The following SCAPER variants were observed in gnomAD, a reference collection of about 807,000 sequenced individuals.
The protein encoded by SCAPER is S phase cyclin A-associated protein in the endoplasmic reticulum.
Under a neutral mutation model 182.2 loss-of-function variants are expected in SCAPER, and 98 were observed. The observed-to-expected ratio is 0.54, with a 90% CI of 0.46 to 0.64. The LOEUF is 0.64. SCAPER is among the 30% of genes least tolerant of loss of function. The pLI, the probability that SCAPER is intolerant of heterozygous loss-of-function variation, is 0.00. For synonymous variants in SCAPER, 605 were observed against 564.6 expected, an observed-to-expected ratio of 1.07 and a Z score of -1.01; for missense variants, 1,432 against 1,690.0, an observed-to-expected ratio of 0.85 and a Z score of 2.68.
At chr15:76,477,036 T>C (rs2050709943) in intron 24 of SCAPER, among the ~76,000 whole-genome samples, 2 of 152,070 alleles carry the variant, frequency 1.3e-5, no homozygotes, top group Admixed American at 1.3e-4. Context: ...GCGTATATAA[T>C]AGAATTTGGA....
intron 20 of SCAPER, among the ~76,000 whole-genome samples, chr15:76,697,724 C>T (rs1444691510): frequency 6.6e-6 from 1 of 152,162 alleles, no homozygotes; most frequent in Non-Finnish European, 1.5e-5. Context: ...ACTGCAACCT[C>T]CGGCTTCTGT....
At chr15:76,836,108 C>T (rs1242448132) in intron 5 of SCAPER, among the ~76,000 whole-genome samples, 1 of 152,036 alleles carries the variant, frequency 6.6e-6, no homozygotes, top group South Asian at 2.1e-4. Flanking sequence ...CTATACTGCC[C>T]AAAGCAATTT....
At chr15:76,594,092 G>T (rs1241414835) in intron 22 of SCAPER, among the ~76,000 whole-genome samples, 1 of 119,816 alleles carries the variant, frequency 8.3e-6, no homozygotes, top group African/African-American at 2.5e-5. Flanking sequence ...AAGGTTAGAG[G>T]AATTGCTAAC....
At position 76,471,205 on chromosome 15, in the gene SCAPER, T is replaced by C; in HGVS notation, c.3078+7A>G. The C allele has an allele frequency of 6.2e-7, 1 of 1,600,320 alleles. No individual in the cohort carries two copies. The highest frequency in any genetic ancestry group is 8.5e-7 in the Non-Finnish European group (1 of 1,174,522). ...TGCTTCTAACTCAAAGCAATAATAT[T>C]ACATACCGTCAACTGGTGTATCAGG... On this transcript the variant is annotated splice_region_variant and intron_variant, in intron 25 of 31. Coordinates refer to ENST00000563290, the MANE Select transcript of SCAPER (RefSeq NM_020843.4).
chr15:76,684,546 G>A (rs1337793249), intron 20 of SCAPER, among the ~76,000 whole-genome samples: 1 of 151,292 alleles, frequency 6.6e-6, no homozygotes, highest in Non-Finnish European at 1.5e-5. Flanking sequence ...AAACCTTAGG[G>A]AAGACTAAAA....
chr15:76,655,747 C>T (rs563933550), intron 21 of SCAPER, among the ~76,000 whole-genome samples: 38 of 152,214 alleles, frequency 2.5e-4, no homozygotes, highest in Admixed American at 1.9e-3. Flanking sequence ...AGAGATTGGA[C>T]GCTTATATTC....
chr15:76,633,452 A>C (rs2053322252), intron 21 of SCAPER, among the ~76,000 whole-genome samples: 1 of 152,204 alleles, frequency 6.6e-6, no homozygotes, highest in Non-Finnish European at 1.5e-5. Flanking sequence ...GCCCCTTGGC[A>C]GAGCAGGTGT....
At chr15:76,538,950 T>A (rs1258914021) in intron 23 of SCAPER, among the ~76,000 whole-genome samples, 1 of 152,104 alleles carries the variant, frequency 6.6e-6, no homozygotes, top group African/African-American at 2.4e-5. Context: ...CTCTAAATGT[T>A]ATGCTAATCA....
chr15:76,845,412 G>A (rs550620533), intron 4 of SCAPER, among the ~76,000 whole-genome samples: 83 of 152,028 alleles, frequency 5.5e-4, no homozygotes, highest in Non-Finnish European at 8.2e-4. Flanking sequence ...TGGAAAGGAA[G>A]AAGTCAAATT....
chr15:76,691,144 C>G (rs2058332566), intron 20 of SCAPER, among the ~76,000 whole-genome samples: 1 of 151,546 alleles, frequency 6.6e-6, no homozygotes, highest in Non-Finnish European at 1.5e-5. Context: ...GTAAATCAGC[C>G]AAAAAAATCC....
chr15:76,689,904 GTA>G (rs1426678308), intron 20 of SCAPER, among the ~76,000 whole-genome samples: 1 of 150,214 alleles, frequency 6.7e-6, no homozygotes, highest in African/African-American at 2.5e-5. Flanking sequence ...AGATAATGTA[GTA>G]CTAGAATATA....
At chr15:76,439,839 A>T (rs941914708) in intron 25 of SCAPER, among the ~76,000 whole-genome samples, 3 of 152,220 alleles carry the variant, frequency 2.0e-5, no homozygotes, top group African/African-American at 7.2e-5. Flanking sequence ...AAAGAGAGCT[A>T]TGTAGCTTTT....
At position 76,892,101 on chromosome 15, in the gene SCAPER, A is replaced by T. The variant is rs151238769; in HGVS notation, c.-59-8225T>A. Among the ~76,000 whole-genome samples, 1,018 of 151,638 alleles carry T rather than the reference A, an allele frequency of 6.7e-3. 12 individuals carry two copies. Among genetic ancestry groups the T allele is most frequent in the African/African-American group, 0.023 (967 of 41,494 alleles). Reference sequence around the variant, plus strand: ...GAAAGGATTCCCTATTTAATAGTGCAGGGAAAACTGGCTAGCCACATGCAG... The same window carrying T: ...GAAAGGATTCCCTATTTAATAGTGCTGGGAAAACTGGCTAGCCACATGCAG... On this transcript the variant is annotated intron_variant, in intron 1 of 31. Coordinates refer to ENST00000563290, the MANE Select transcript of SCAPER (RefSeq NM_020843.4).
Position 76,563,562 on chromosome 15 carries a change from G to C in SCAPER, c.2838+10596C>G, listed in dbSNP as rs552760738. Among the ~76,000 whole-genome samples the C allele has an allele frequency of 1.3e-4, 20 of 152,224 alleles. No individual in the cohort carries two copies. The South Asian group carries it at 2.7e-3, about 21-fold the overall frequency. The stretch of plus-strand genomic sequence containing the variant: ...AACCAAAAAAAGCCCAGGATCAGAA[G>C]GATTCACAGCTGAAGTCTATCAGGT... On this transcript the variant is annotated intron_variant, in intron 23 of 31. Coordinates refer to ENST00000563290, the MANE Select transcript of SCAPER (RefSeq NM_020843.4).
At chr15:76,721,241 T>C (rs1032030389) in intron 17 of SCAPER, among the ~76,000 whole-genome samples, 3 of 152,200 alleles carry the variant, frequency 2.0e-5, no homozygotes, top group African/African-American at 4.8e-5. Flanking sequence ...GTTGTAGATA[T>C]GCGGCATTAT....
At chr15:76,465,933 T>C (rs1423395170) in intron 25 of SCAPER, among the ~76,000 whole-genome samples, 1 of 152,096 alleles carries the variant, frequency 6.6e-6, no homozygotes, top group Non-Finnish European at 1.5e-5. Flanking sequence ...TGCTGAGAAA[T>C]ATGTTGATAG....
At chr15:76,457,596 TCA>T (rs1040029714) in intron 25 of SCAPER, among the ~76,000 whole-genome samples, 4 of 152,222 alleles carry the variant, frequency 2.6e-5, no homozygotes, top group African/African-American at 9.6e-5. Flanking sequence ...CCTTAACTTC[TCA>T]CAGTCTCCTT....
chr15:76,417,417 T>C (rs1447752953), intron 26 of SCAPER, among the ~76,000 whole-genome samples: 2 of 151,998 alleles, frequency 1.3e-5, no homozygotes, highest in East Asian at 3.9e-4. Context: ...AGGGTGAGAG[T>C]TTTGAAAAGT....
chr15:76,691,084 A>G (rs2058328768), intron 20 of SCAPER, among the ~76,000 whole-genome samples: 1 of 152,132 alleles, frequency 6.6e-6, no homozygotes, highest in African/African-American at 2.4e-5. Context: ...AAAAGTAAAA[A>G]TATTAGAAAA....
Sources: gnomAD v4.1 joint callset for allele counts (sites outside exome capture counted in the v4.1 genomes callset) on GRCh38, gnomAD v4.1.1 for gene constraint, MANE v1.5 for transcripts, NCBI Gene and HGNC (gene_info 2026-07-23, HGNC 2026-07-21) for gene names.